RSU1: variants seen among roughly 807,000 people sequenced by gnomAD.
RSU1 encodes the protein rsu-1.
Under a neutral mutation model 31.1 loss-of-function variants are expected in RSU1, and 26 were observed. The ratio of observed to expected loss-of-function variants is 0.84; its 90% CI spans 0.61 to 1.16. The LOEUF (loss-of-function observed/expected upper bound fraction) is 1.16. Ranked by LOEUF, RSU1 falls within the 50% of genes most tolerant of loss-of-function variation. The probability of loss-of-function intolerance (pLI) is 0.00; values close to 1 mark genes in which losing one functional copy is unlikely to be tolerated. For missense variants in RSU1, 320 were observed against 339.1 expected (o/e 0.94, Z 0.44); for synonymous variants, 164 against 136.3 (o/e 1.20, Z -1.41).
intron 8 of RSU1, among the ~76,000 whole-genome samples, chr10:16,645,336 CTCA>C (rs1834517588): frequency 6.6e-6 from 1 of 152,124 alleles, no homozygotes; most frequent in African/African-American, 2.4e-5. Flanking sequence ...TTCCCAAAAG[CTCA>C]TCTTTTCCTC....
intron 8 of RSU1, among the ~76,000 whole-genome samples, chr10:16,641,384 C>G (rs1396550979): frequency 6.6e-6 from 1 of 151,148 alleles, no homozygotes; most frequent in South Asian, 2.1e-4. Context: ...CCCAGCTACT[C>G]GGGAGGCTGA....
intron 7 of RSU1, among the ~76,000 whole-genome samples, chr10:16,704,354 T>A (rs1407850427): frequency 2.0e-5 from 3 of 152,198 alleles, no homozygotes. Context: ...ATTATTATGA[T>A]CTCATCTTAA....
chr10:16,643,897 T>A (rs1379108861), intron 8 of RSU1, among the ~76,000 whole-genome samples: 11 of 151,238 alleles, frequency 7.3e-5, no homozygotes, highest in Non-Finnish European at 1.5e-4. Flanking sequence ...GAAGATTTTT[T>A]TTTTTAAAAA....
intron 8 of RSU1, among the ~76,000 whole-genome samples, chr10:16,612,585 G>GT (rs1195866553): frequency 1.3e-5 from 2 of 152,108 alleles, no homozygotes; most frequent in Admixed American, 1.3e-4. Context: ...ACCATATTAC[G>GT]TAAGAGTCAA....
intron 8 of RSU1, among the ~76,000 whole-genome samples, chr10:16,594,844 G>A (rs367754454): frequency 6.8e-6 from 1 of 146,534 alleles, no homozygotes; most frequent in African/African-American, 2.5e-5. Flanking sequence ...GAGTGCAGTG[G>A]TGTGATCTTG....
intron 2 of RSU1, among the ~76,000 whole-genome samples, chr10:16,796,003 G>C (rs1838022562): frequency 6.6e-6 from 1 of 152,134 alleles, no homozygotes. Context: ...CCTGGGAAAA[G>C]TAAACCTTCT....
At chr10:16,655,830 C>T (rs11254133) in intron 8 of RSU1, among the ~76,000 whole-genome samples, 5,515 of 152,204 alleles carry the variant, frequency 0.036, 145 homozygotes, top group Non-Finnish European at 0.049. Context: ...TGCTATTGCA[C>T]GCCCAATATA....
At chr10:16,610,042 A>T (rs1833867670) in intron 8 of RSU1, among the ~76,000 whole-genome samples, 1 of 152,242 alleles carries the variant, frequency 6.6e-6, no homozygotes, top group Admixed American at 6.5e-5. Flanking sequence ...TTAACCCAAT[A>T]TAGCCAAAAT....
intron 4 of RSU1, among the ~76,000 whole-genome samples, chr10:16,758,757 T>C (rs1837146671): frequency 6.6e-6 from 1 of 152,206 alleles, no homozygotes; most frequent in Non-Finnish European, 1.5e-5. Flanking sequence ...AAAATTTTGA[T>C]TTAGCCCTAA....
chr10:16,697,987 CTTTTTTTT>C (rs67816326), intron 7 of RSU1, among the ~76,000 whole-genome samples: 24 of 99,578 alleles, frequency 2.4e-4, no homozygotes, highest in African/African-American at 1.1e-3. Context: ...AGGAACACAC[CTTTTTTTT>C]TTTTTTTTTT....
intron 4 of RSU1, among the ~76,000 whole-genome samples, chr10:16,756,970 AGT>A (rs748626955): frequency 1.4e-5 from 2 of 140,072 alleles, no homozygotes; most frequent in Non-Finnish European, 3.1e-5. Context: ...GGTAGGTATG[AGT>A]GTGGTGTGGT....
chr10:16,773,094 G>T (rs187208916), intron 3 of RSU1, among the ~76,000 whole-genome samples: 1 of 151,956 alleles, frequency 6.6e-6, no homozygotes, highest in Admixed American at 6.6e-5. Context: ...TAGCTACTCC[G>T]GAGGCTGAGG....
At chr10:16,708,593 A>AT (rs1039095922) in intron 7 of RSU1, among the ~76,000 whole-genome samples, 14 of 151,006 alleles carry the variant, frequency 9.3e-5, no homozygotes, top group Admixed American at 3.3e-4. Context: ...GAATTTTAGG[A>AT]TTTTTTTTTC....
At chr10:16,604,282 C>A (rs1182724936) in intron 8 of RSU1, among the ~76,000 whole-genome samples, 3 of 152,154 alleles carry the variant, frequency 2.0e-5, no homozygotes, top group African/African-American at 7.2e-5. Flanking sequence ...AGCCTTAACT[C>A]CCAGACCAGT....
chr10:16,632,522 T>C (rs910452861), intron 8 of RSU1, among the ~76,000 whole-genome samples: 1 of 152,208 alleles, frequency 6.6e-6, no homozygotes, highest in African/African-American at 2.4e-5. Flanking sequence ...AAGTTATGGT[T>C]GAAAGCTGGC....
In RSU1 at chr10:16,650,646, C is replaced by T. The variant is rs532466664; in HGVS notation, c.731+44377G>A. Among the ~76,000 whole-genome samples, 498 of 140,772 alleles carry T rather than the reference C, an allele frequency of 3.5e-3. 3 individuals are homozygous for T. The Middle Eastern group carries it at 0.037, about 10-fold the overall frequency. 92.4% of individuals were successfully genotyped at this position (140,772 alleles called of 152,430 possible). A position where few individuals can be genotyped will look rare whatever the true frequency, so the allele number is the denominator to read the frequency against. ...CCAGGCTGGAATACAGTGGCACAATCTCGGCTCACTGCAAGCTCCGCCTCC... is the reference window on the plus strand; with the variant it reads ...CCAGGCTGGAATACAGTGGCACAATTTCGGCTCACTGCAAGCTCCGCCTCC... On this transcript the variant is annotated intron_variant, in intron 8 of 8. Transcript: ENST00000345264.
rs1390506557 is a variant in RSU1, at chr10:16,592,764, A to T, written c.*630T>A. 1 of 152,228 alleles carries T rather than the reference A, an allele frequency of 6.6e-6. No homozygotes were observed. The highest frequency in any genetic ancestry group is 1.5e-5 in the Non-Finnish European group (1 of 68,044). The allele number at this position is 152,228 out of a possible 1,614,324, so 9.4% of individuals were successfully genotyped here. On this transcript the variant is annotated 3_prime_UTR_variant, in exon 9 of 9. Coordinates refer to ENST00000345264, the MANE Select transcript of RSU1 (RefSeq NM_012425.4). ...TTAATGTGAGAAGAAACGAACTGTGATTTAATTTTGCATTTCTTTCATGAA... is the reference window on the plus strand; with the variant it reads ...TTAATGTGAGAAGAAACGAACTGTGTTTTAATTTTGCATTTCTTTCATGAA...
At chr10:16,801,257 A>T (rs543754748) in intron 2 of RSU1, among the ~76,000 whole-genome samples, 38 of 152,292 alleles carry the variant, frequency 2.5e-4, no homozygotes, top group Non-Finnish European at 5.1e-4. Context: ...TTTCAGACAA[A>T]GCTGACTTCA....
rs1588720930 is a variant in RSU1 at position 16,696,821 on chromosome 10, G to C, written c.599-1666C>G. Among the ~76,000 whole-genome samples the C allele has an allele frequency of 2.0e-5, 3 of 148,024 alleles. 1 individual carries two copies. The East Asian group carries it at 6.0e-4, about 30-fold the overall frequency. On this transcript the variant is annotated intron_variant, in intron 7 of 8. Transcript: ENST00000345264. ...ATCTCACCTGGGTTTCATCTTGTTG[G>C]CAAGGGGCTGCCATTGATCTTTGTT...
Sources: allele counts gnomAD v4.1 joint callset (sites outside exome capture counted in the v4.1 genomes callset), GRCh38; gene constraint gnomAD v4.1.1; transcripts MANE v1.5; gene names NCBI Gene and HGNC (gene_info 2026-07-23, HGNC 2026-07-21).